Variants in XXYLT1 observed in about 807,000 individuals in gnomAD.
XXYLT1 encodes UDP-xylose:alpha-xyloside alpha-1,3-xylosyltransferase.
A neutral mutation model predicts 28.9 loss-of-function variants in XXYLT1; 20 were observed. The observed-to-expected ratio is 0.69, with a 90% CI of 0.49 to 1.00. The LOEUF is 1.00. XXYLT1 is among the 50% of genes least tolerant of loss of function. XXYLT1 has a pLI of 0.00. For missense variants in XXYLT1, 542 were observed against 560.1 expected (o/e 0.97, Z 0.33); for synonymous variants, 257 against 253.8 (o/e 1.01, Z -0.12).
intron 2 of XXYLT1, among the ~76,000 whole-genome samples, chr3:195,161,026 T>C (rs1252808470): frequency 1.3e-5 from 2 of 152,222 alleles, no homozygotes; most frequent in East Asian, 1.9e-4. Context: ...CCAAGGGTCC[T>C]GCGCCTTGGC....
intron 3 of XXYLT1, among the ~76,000 whole-genome samples, chr3:195,109,834 CGTGTGTGTGGTGTATGTGTGCCT>C (rs1717407576): frequency 6.2e-5 from 2 of 32,200 alleles, no homozygotes; most frequent in Non-Finnish European, 1.5e-4. Context: ...TATGAGTGTG[CGTGTGTGTGGTGTATGTGTGCCT>C]GTGTGTGTGG....
intron 2 of XXYLT1, among the ~76,000 whole-genome samples, chr3:195,171,809 G>A (rs1193932907): frequency 1.3e-5 from 2 of 152,172 alleles, no homozygotes; most frequent in African/African-American, 4.8e-5. Context: ...AAGAGATGAG[G>A]TTGCCTCTGT....
rs773909670 is a variant in XXYLT1 at position 195,122,618 on chromosome 3, C to T, written c.785+33831G>A. ...AGAAGGGATGAGTCCCAAGGTCCTT[C>T]GACTCCACAGGAAGGGGGAGGCGAC... On this transcript the variant is annotated intron_variant, in intron 3 of 3. Coordinates refer to ENST00000310380, the MANE Select transcript of XXYLT1 (RefSeq NM_152531.5). 2.6e-5 allele frequency among the ~76,000 whole-genome samples: 4 copies of T among 152,186 alleles called. No individual in the cohort carries two copies. In the South Asian group the frequency reaches 6.2e-4, roughly 24 times the overall value.
In XXYLT1 at chr3:195,173,413, AG is replaced by A. The variant is rs1268770786; in HGVS notation, c.653-16833del. ...CTCATTCTCCTTTGTGTTGTTACCT[AG>A]GAGGTGCTCGACACTAAGTAACATT... On this transcript the variant is annotated intron_variant, in intron 2 of 3. Coordinates refer to ENST00000310380, the MANE Select transcript of XXYLT1 (RefSeq NM_152531.5). This position sits in a 1 kb window ranked among gnomAD's most constrained non-coding sequence, Gnocchi z 4.3. Among the ~76,000 whole-genome samples, 1 of 152,130 alleles carries A rather than the reference AG, an allele frequency of 6.6e-6. No homozygotes were observed. Among genetic ancestry groups the A allele is most frequent in the Non-Finnish European group, 1.5e-5 (1 of 68,002 alleles).
intron 3 of XXYLT1, among the ~76,000 whole-genome samples, chr3:195,098,369 T>G (rs555477981): frequency 1.3e-5 from 2 of 152,080 alleles, no homozygotes; most frequent in African/African-American, 2.4e-5. Context: ...CTGGCTAACA[T>G]GTTGAAACCC....
In XXYLT1 at chr3:195,076,003, C is replaced by A. The variant is rs530553157; in HGVS notation, c.786-5892G>T. Among the ~76,000 whole-genome samples the A allele has an allele frequency of 9.2e-5, 14 of 152,316 alleles. No individual in the cohort carries two copies. The South Asian group carries it at 1.2e-3, about 14-fold the overall frequency. On this transcript the variant is annotated intron_variant, in intron 3 of 3. Coordinates refer to ENST00000310380, the MANE Select transcript of XXYLT1 (RefSeq NM_152531.5). The surrounding 1 kb of genome is among the most constrained non-coding windows in gnomAD (Gnocchi z 5.3). ...TGGGGAGGCACACCGCAGAGGGCTT[C>A]CCCTCCAGGCCCTCCCTCCAACATG...
chr3:195,252,968 AT>A (rs1725332332), intron 1 of XXYLT1, among the ~76,000 whole-genome samples: 1 of 152,164 alleles, frequency 6.6e-6, no homozygotes, highest in Non-Finnish European at 1.5e-5. Flanking sequence ...CCCCTGCTCT[AT>A]CCAAATTAGG....
intron 2 of XXYLT1, among the ~76,000 whole-genome samples, chr3:195,188,622 G>A (rs903108320): frequency 1.3e-4 from 20 of 152,302 alleles, no homozygotes; most frequent in African/African-American, 3.6e-4. Flanking sequence ...GTGCACTCTC[G>A]AATTGTCTCC....
intron 3 of XXYLT1, among the ~76,000 whole-genome samples, chr3:195,088,456 G>A (rs531346308): frequency 6.9e-6 from 1 of 144,342 alleles, no homozygotes; most frequent in Non-Finnish European, 1.5e-5. Flanking sequence ...CAGACCTGCA[G>A]CTGAGGGTCC....
At chr3:195,134,938 G>A (rs577498567) in intron 3 of XXYLT1, among the ~76,000 whole-genome samples, 2 of 152,276 alleles carry the variant, frequency 1.3e-5, no homozygotes, top group South Asian at 2.1e-4. Context: ...GTAAATAAGA[G>A]CTTTTCTGTA....
At chr3:195,253,103 G>A (rs1725338032) in intron 1 of XXYLT1, among the ~76,000 whole-genome samples, 1 of 152,178 alleles carries the variant, frequency 6.6e-6, no homozygotes, top group Admixed American at 6.5e-5. Context: ...CCCAGGCACT[G>A]CACCCCAGCT....
chr3:195,148,085 C>A (rs1719964281), intron 3 of XXYLT1: 1 of 152,250 alleles, frequency 6.6e-6, no homozygotes, highest in Non-Finnish European at 1.5e-5. Context: ...TCCTAGCCTG[C>A]CCGGGAGGCA....
chr3:195,244,404 C>T (rs1430449143), intron 1 of XXYLT1, among the ~76,000 whole-genome samples: 2 of 152,180 alleles, frequency 1.3e-5, no homozygotes, highest in African/African-American at 4.8e-5. Context: ...AACACAGACT[C>T]CAGGGTACTG....
chr3:195,247,621 G>T, intron 1 of XXYLT1: 1 of 538,634 alleles, frequency 1.9e-6, no homozygotes, highest in South Asian at 2.3e-5. Context: ...GAGCCCAAGG[G>T]GGAGAGCCAT....
chr3:195,147,263 T>C (rs550805069), intron 3 of XXYLT1, among the ~76,000 whole-genome samples: 79 of 152,200 alleles, frequency 5.2e-4, no homozygotes, highest in African/African-American at 1.9e-3. Flanking sequence ...ACACACACAA[T>C]GAGCCAAATA....
At chr3:195,073,146 T>C (rs1048292853) in intron 3 of XXYLT1, among the ~76,000 whole-genome samples, 1 of 152,204 alleles carries the variant, frequency 6.6e-6, no homozygotes, top group Non-Finnish European at 1.5e-5. Flanking sequence ...GTCCCTTTGA[T>C]CTGACTGCCT....
At chr3:195,112,513 CCCACACACACACA>C (rs1560102678) in intron 3 of XXYLT1, among the ~76,000 whole-genome samples, 8 of 142,572 alleles carry the variant, frequency 5.6e-5, no homozygotes, top group Non-Finnish European at 1.1e-4. Context: ...CCCACACACA[CCCACACACACACA>C]CAGAGCCCCC....
chr3:195,197,686 C>T (rs750568085), intron 2 of XXYLT1, among the ~76,000 whole-genome samples: 4 of 152,202 alleles, frequency 2.6e-5, no homozygotes, highest in Admixed American at 6.5e-5. Flanking sequence ...ATATCCCGTC[C>T]GCTCAGGATC....
In XXYLT1 at chr3:195,117,096, C is replaced by CTA. The variant is rs984569571; in HGVS notation, c.785+39351_785+39352dup. On this transcript the variant is annotated intron_variant, in intron 3 of 3. Transcript: ENST00000310380. ...ATTGGGAAAACAATCTGGAAACATCCTATATATATATAGTGTATACACACA... is the reference window on the plus strand; with the variant it reads ...ATTGGGAAAACAATCTGGAAACATCCTATATATATATATAGTGTATACACACA... Among the ~76,000 whole-genome samples the CTA allele has an allele frequency of 4.0e-4, 49 of 121,276 alleles. 1 individual carries two copies. The highest frequency in any genetic ancestry group is 9.0e-4 in the African/African-American group (29 of 32,336). 79.6% of individuals were successfully genotyped at this position (121,276 alleles called of 152,430 possible).
Sources: allele counts gnomAD v4.1 joint callset (sites outside exome capture counted in the v4.1 genomes callset), GRCh38; gene constraint gnomAD v4.1.1; non-coding constraint Gnocchi (gnomAD v3.1); transcripts MANE v1.5; gene names NCBI Gene and HGNC (gene_info 2026-07-23, HGNC 2026-07-21).